The following MEIS2 variants were observed in gnomAD, a reference collection of about 807,000 sequenced individuals.
MEIS2 encodes Meis homeobox 2.
Under a neutral mutation model 58.6 loss-of-function variants are expected in MEIS2, and 9 were observed. That is an observed-to-expected ratio of 0.15 (90% CI 0.09 to 0.27). The LOEUF (loss-of-function observed/expected upper bound fraction) is 0.27, where lower values mean the gene tolerates loss of function less well. MEIS2 is among the 10% of genes least tolerant of loss of function. MEIS2 has a pLI of 1.00. For missense variants in MEIS2, 427 were observed against 635.0 expected (o/e 0.67, Z 3.52); for synonymous variants, 221 against 228.4 (o/e 0.97, Z 0.29).
At chr15:37,005,519 T>TACTA (rs1005916761) in intron 8 of MEIS2, among the ~76,000 whole-genome samples, 1 of 152,146 alleles carries the variant, frequency 6.6e-6, no homozygotes, top group Non-Finnish European at 1.5e-5. Context: ...AGACATTATT[T>TACTA]ACTAACTAGT....
chr15:36,942,634 A>G (rs1025269082), intron 9 of MEIS2, among the ~76,000 whole-genome samples: 2 of 152,208 alleles, frequency 1.3e-5, no homozygotes, highest in African/African-American at 4.8e-5. Flanking sequence ...GAATCAATGC[A>G]TTGAATGAAT....
chr15:37,098,921 G>T, intron 1 of MEIS2: 3 of 985,550 alleles, frequency 3.0e-6, no homozygotes, highest in Non-Finnish European at 3.6e-6. Flanking sequence ...ATTTAGCAGC[G>T]GATTCCCTGC....
chr15:37,098,002 G>T lies in MEIS2; in HGVS notation c.210C>A (p.Asn70Lys). The change falls in exon 2 of 12, where the codon AAC becomes AAA. Residue 70 changes from asparagine (N) to lysine (K), a missense_variant. By Grantham distance (94) the Asn-to-Lys change is moderately conservative (BLOSUM62 0). Transcript: ENST00000561208. ...CGTCCTTGTCCCGCTTCAAGGCGTCGTTGACAGCGGATCCCATACTGGCCG... is the reference window on the plus strand; with the variant it reads ...CGTCCTTGTCCCGCTTCAAGGCGTCTTTGACAGCGGATCCCATACTGGCCG... ...VMPASMGSAV[N>K]DALKRDKDAI... The T allele has an allele frequency of 6.2e-7, 1 of 1,610,014 alleles. No homozygotes were observed. Among genetic ancestry groups the T allele is most frequent in the Non-Finnish European group, 8.5e-7 (1 of 1,177,226 alleles).
intron 8 of MEIS2, among the ~76,000 whole-genome samples, chr15:36,966,023 C>A (rs570062089): frequency 1.3e-5 from 2 of 152,300 alleles, no homozygotes; most frequent in African/African-American, 4.8e-5. Context: ...TATTATATCA[C>A]AATTAATGCA....
At position 36,894,916 on chromosome 15, in the gene MEIS2, TAAAAAGA is replaced by T. The variant is rs1429778838; in HGVS notation, c.1147+228_1147+234del. The T allele has an allele frequency of 7.3e-6, 8 of 1,097,176 alleles. No homozygotes were observed. In the Admixed American group the frequency reaches 1.2e-4, roughly 17 times the overall value. The allele number at this position is 1,097,176 out of a possible 1,614,324, so 68.0% of individuals were successfully genotyped here. Reference sequence around the variant, plus strand: ...TTCCTTTTCACTTATTGCCTTGGTTTAAAAAGAAAAAAGAAAAAGGATGTGTATGGGG... The same window carrying T: ...TTCCTTTTCACTTATTGCCTTGGTTTAAAAAGAAAAAGGATGTGTATGGGG... On this transcript the variant is annotated intron_variant, in intron 11 of 11. Transcript: ENST00000561208.
At chr15:37,059,804 G>T (rs962274753) in intron 7 of MEIS2, among the ~76,000 whole-genome samples, 1 of 152,072 alleles carries the variant, frequency 6.6e-6, no homozygotes, top group African/African-American at 2.4e-5. Flanking sequence ...AGCTGGGTGT[G>T]GTGGCACACA....
intron 7 of MEIS2, among the ~76,000 whole-genome samples, chr15:37,078,594 G>GA (rs1567267984): frequency 8.9e-5 from 3 of 33,898 alleles, no homozygotes; most frequent in Non-Finnish European, 1.6e-4. Flanking sequence ...GGATTGCCAG[G>GA]AAAAAACAAC....
intron 9 of MEIS2, among the ~76,000 whole-genome samples, chr15:36,934,369 G>T (rs1338990102): frequency 3.3e-5 from 5 of 152,032 alleles, no homozygotes; most frequent in Non-Finnish European, 5.9e-5. Context: ...GAGGTAGGGG[G>T]AAAAGAAGCT....
chr15:36,942,056 A>G (rs755129840), intron 9 of MEIS2, among the ~76,000 whole-genome samples: 3 of 152,186 alleles, frequency 2.0e-5, no homozygotes, highest in Non-Finnish European at 4.4e-5. Context: ...GGGAAATCTC[A>G]TATCTCTAAA....
intron 8 of MEIS2, among the ~76,000 whole-genome samples, chr15:36,973,800 T>G (rs2059650084): frequency 6.6e-6 from 1 of 152,126 alleles, no homozygotes; most frequent in South Asian, 2.1e-4. Flanking sequence ...TGTTTTCTTC[T>G]TATTTAAAAA....
At chr15:36,916,681 C>G (rs1289534796) in intron 9 of MEIS2, among the ~76,000 whole-genome samples, 1 of 152,190 alleles carries the variant, frequency 6.6e-6, no homozygotes, top group Non-Finnish European at 1.5e-5. Flanking sequence ...AATCCTCCCA[C>G]TTCAGCCTCT....
At chr15:36,965,877 A>G (rs1181932554) in intron 8 of MEIS2, among the ~76,000 whole-genome samples, 2 of 152,228 alleles carry the variant, frequency 1.3e-5, no homozygotes, top group African/African-American at 4.8e-5. Flanking sequence ...ATTCTGGGAA[A>G]TTAAAACAAA....
chr15:36,991,335 C>T (rs1419044960), intron 8 of MEIS2, among the ~76,000 whole-genome samples: 2 of 151,982 alleles, frequency 1.3e-5, no homozygotes, highest in African/African-American at 2.4e-5. Flanking sequence ...GCACATTCCA[C>T]ATCTTATTCT....
At chr15:36,908,032 CAT>C (rs1223001409) in intron 9 of MEIS2, among the ~76,000 whole-genome samples, 3 of 151,784 alleles carry the variant, frequency 2.0e-5, no homozygotes, top group Admixed American at 6.6e-5. Flanking sequence ...ATTATGAAAA[CAT>C]ATTATATTAT....
At chr15:36,903,015 G>C (rs1223563090) in intron 9 of MEIS2, among the ~76,000 whole-genome samples, 6 of 152,060 alleles carry the variant, frequency 3.9e-5, no homozygotes, top group Non-Finnish European at 7.4e-5. Flanking sequence ...TTTTAAAGGA[G>C]ATCAAGAAAA....
intron 6 of MEIS2, among the ~76,000 whole-genome samples, chr15:37,093,145 G>A (rs1422918423): frequency 6.6e-6 from 1 of 152,116 alleles, no homozygotes; most frequent in Non-Finnish European, 1.5e-5. Context: ...TGACATACTA[G>A]GAAATCAGCA....
intron 1 of MEIS2, chr15:37,098,534 T>C: frequency 2.1e-6 from 1 of 470,744 alleles, no homozygotes; most frequent in Non-Finnish European, 3.1e-6. Flanking sequence ...GAGGAAAAAA[T>C]GTTATTAAAT....
intron 7 of MEIS2, among the ~76,000 whole-genome samples, chr15:37,067,596 T>TAAA (rs5811961): frequency 2.1e-5 from 3 of 144,716 alleles, no homozygotes; most frequent in Non-Finnish European, 3.0e-5. Flanking sequence ...AATCAGAAAT[T>TAAA]AAAAAAAAAA....
chr15:36,960,617 C>T (rs1330743145), intron 8 of MEIS2, among the ~76,000 whole-genome samples: 2 of 152,068 alleles, frequency 1.3e-5, no homozygotes, highest in Non-Finnish European at 2.9e-5. Context: ...TTCAGAACTA[C>T]TTTCTTTTTC....
Sources: allele counts gnomAD v4.1 joint callset (sites outside exome capture counted in the v4.1 genomes callset), GRCh38; gene constraint gnomAD v4.1.1; transcripts MANE v1.5; gene names NCBI Gene and HGNC (gene_info 2026-07-23, HGNC 2026-07-21).